UMAD1: variants seen among roughly 807,000 people sequenced by gnomAD.
UMAD1 encodes the protein UBAP1-MVB12-associated (UMA) domain containing 1, also known as UBAP1-MVB12-associated (UMA)-domain containing protein 1.
UMAD1 carries 8 observed loss-of-function variants against 6.1 expected under a neutral mutation model. The ratio of observed to expected loss-of-function variants is 1.30; its 90% CI spans 0.76 to 2.35. The LOEUF is 2.35. Ranked by LOEUF, UMAD1 falls within the 30% of genes most tolerant of loss-of-function variation. The pLI, the probability that UMAD1 is intolerant of heterozygous loss-of-function variation, is 0.00. For missense variants in UMAD1, 130 were observed against 78.4 expected, an observed-to-expected ratio of 1.66 and a Z score of -2.49; for synonymous variants, 56 against 31.4, an observed-to-expected ratio of 1.78 and a Z score of -2.61.
At chr7:7,692,705 G>A (rs1780201028) in intron 2 of UMAD1, among the ~76,000 whole-genome samples, 1 of 152,140 alleles carries the variant, frequency 6.6e-6, no homozygotes, top group Non-Finnish European at 1.5e-5. Flanking sequence ...CACCTCCTGG[G>A]TTCAAGTGAT....
chr7:7,771,017 A>T (rs1782089502), intron 2 of UMAD1, among the ~76,000 whole-genome samples: 1 of 152,178 alleles, frequency 6.6e-6, no homozygotes, highest in South Asian at 2.1e-4. Context: ...CTAGAGAGTA[A>T]CACAGGAGGT....
chr7:7,735,450 C>T (rs1181051706), intron 2 of UMAD1, among the ~76,000 whole-genome samples: 1 of 150,838 alleles, frequency 6.6e-6, no homozygotes, highest in Non-Finnish European at 1.5e-5. Context: ...ACACTTGTTG[C>T]CCAGGCTGGA....
intron 2 of UMAD1, among the ~76,000 whole-genome samples, chr7:7,773,727 G>A (rs1365022112): frequency 6.6e-6 from 1 of 152,108 alleles, no homozygotes; most frequent in Non-Finnish European, 1.5e-5. Flanking sequence ...TTTCAGGTTT[G>A]CTTTAAAACA....
intron 2 of UMAD1, among the ~76,000 whole-genome samples, chr7:7,679,787 A>G (rs910899680): frequency 1.5e-4 from 22 of 149,870 alleles, no homozygotes; most frequent in Non-Finnish European, 3.0e-5. Context: ...CCACTTTCGA[A>G]CTCTTAGGCT....
chr7:7,734,374 A>G (rs1217177164), intron 2 of UMAD1, among the ~76,000 whole-genome samples: 9 of 152,058 alleles, frequency 5.9e-5, no homozygotes, highest in Non-Finnish European at 1.3e-4. Flanking sequence ...TATTATTAAG[A>G]TTTTTAAATT....
chr7:7,833,784 A>C (rs1783509663), intron 3 of UMAD1, among the ~76,000 whole-genome samples: 1 of 152,178 alleles, frequency 6.6e-6, no homozygotes, highest in South Asian at 2.1e-4. Context: ...TTAATCATGG[A>C]ATAGCAGCCA....
At chr7:7,659,563 C>G (rs892593924) in intron 1 of UMAD1, among the ~76,000 whole-genome samples, 2 of 152,116 alleles carry the variant, frequency 1.3e-5, no homozygotes, top group African/African-American at 4.8e-5. Context: ...TCGTTATTTA[C>G]CCAGTAGTCA....
At chr7:7,873,874 G>A (rs1784370832) in intron 3 of UMAD1, among the ~76,000 whole-genome samples, 3 of 152,028 alleles carry the variant, frequency 2.0e-5, no homozygotes, top group South Asian at 4.1e-4. Context: ...GCCCATATAT[G>A]TTTCTTCATT....
intron 1 of UMAD1, among the ~76,000 whole-genome samples, chr7:7,649,432 G>T (rs1334253396): frequency 6.6e-6 from 1 of 152,104 alleles, no homozygotes. Context: ...TCATAACCTG[G>T]TTACCTTTTA....
chr7:7,735,535 G>C (rs575151159), intron 2 of UMAD1, among the ~76,000 whole-genome samples: 7 of 151,762 alleles, frequency 4.6e-5, no homozygotes, highest in African/African-American at 1.7e-4. Flanking sequence ...TCAGCCTCCC[G>C]AGTAGCTGGA....
intron 2 of UMAD1, among the ~76,000 whole-genome samples, chr7:7,761,540 G>A (rs979780791): frequency 6.6e-6 from 1 of 152,156 alleles, no homozygotes; most frequent in African/African-American, 2.4e-5. Flanking sequence ...CACAAATTTT[G>A]TGGGTGCGAG....
intron 2 of UMAD1, among the ~76,000 whole-genome samples, chr7:7,747,578 T>G (rs1200323442): frequency 6.6e-6 from 1 of 152,200 alleles, no homozygotes; most frequent in Non-Finnish European, 1.5e-5. Context: ...AGTATATTTT[T>G]TCCAAGAAAT....
Position 7,878,085 on chromosome 7 carries a change from ACAAGGATGC to A in UMAD1, c.*548_*556del, listed in dbSNP as rs1563281878. The A allele has an allele frequency of 6.4e-6, 1 of 155,642 alleles. No homozygotes were observed. The highest frequency in any genetic ancestry group is 1.9e-4 in the East Asian group (1 of 5,254). The allele number at this position is 155,642 out of a possible 1,614,324, so 9.6% of individuals were successfully genotyped here. On this transcript the variant is annotated 3_prime_UTR_variant, in exon 4 of 4. Coordinates refer to ENST00000682710, the MANE Select transcript of UMAD1 (RefSeq NM_001302348.2). The stretch of plus-strand genomic sequence containing the variant: ...TAAACAGCAGTGCTAGTTTGCTGAT[ACAAGGATGC>A]TAGACCTGCTCTGCGTGCTCTTTCT...
chr7:7,711,070 A>G (rs926244737), intron 2 of UMAD1, among the ~76,000 whole-genome samples: 13 of 152,184 alleles, frequency 8.5e-5, no homozygotes, highest in African/African-American at 1.9e-4. Flanking sequence ...GTGTGTGGCT[A>G]TAGAAGGATA....
At chr7:7,850,670 AATT>A (rs1208092279) in intron 3 of UMAD1, among the ~76,000 whole-genome samples, 1 of 152,100 alleles carries the variant, frequency 6.6e-6, no homozygotes, top group Non-Finnish European at 1.5e-5. Flanking sequence ...ATGTTTTGAC[AATT>A]ATTAAACATG....
intron 3 of UMAD1, among the ~76,000 whole-genome samples, chr7:7,854,163 C>G (rs1391980311): frequency 2.0e-5 from 3 of 152,018 alleles, no homozygotes; most frequent in South Asian, 2.1e-4. Flanking sequence ...TGAGATCAGC[C>G]TGACCAACAT....
chr7:7,855,834 T>C (rs527989733), intron 3 of UMAD1, among the ~76,000 whole-genome samples: 2 of 152,328 alleles, frequency 1.3e-5, no homozygotes, highest in Admixed American at 1.3e-4. Flanking sequence ...TGCCACCTCT[T>C]GAATGCTTTG....
At chr7:7,649,073 GCTTGAAC>G (rs2115548246) in intron 1 of UMAD1, among the ~76,000 whole-genome samples, 1 of 145,318 alleles carries the variant, frequency 6.9e-6, no homozygotes, top group East Asian at 2.1e-4. Context: ...CAGGAGAATC[GCTTGAAC>G]CCAGGAAGTG....
At chr7:7,669,839 A>G (rs542091972) in intron 1 of UMAD1, among the ~76,000 whole-genome samples, 6 of 152,254 alleles carry the variant, frequency 3.9e-5, no homozygotes, top group African/African-American at 1.2e-4. Context: ...GTTCTTTTCT[A>G]TAGTCTCTGC....
Sources: gnomAD v4.1 joint callset for allele counts (sites outside exome capture counted in the v4.1 genomes callset) on GRCh38, gnomAD v4.1.1 for gene constraint, MANE v1.5 for transcripts, NCBI Gene and HGNC (gene_info 2026-07-23, HGNC 2026-07-21) for gene names.